OSBPL10: variants seen among roughly 807,000 people sequenced by gnomAD.
OSBPL10 encodes oxysterol-binding protein-related protein 10.
A neutral mutation model predicts 81.7 loss-of-function variants in OSBPL10; 49 were observed. The ratio of observed to expected loss-of-function variants is 0.60; its 90% CI spans 0.48 to 0.76. The LOEUF (loss-of-function observed/expected upper bound fraction) is 0.76, where lower values mean the gene tolerates loss of function less well. OSBPL10 is among the 30% of genes least tolerant of loss of function. The pLI, the probability that OSBPL10 is intolerant of heterozygous loss-of-function variation, is 0.00. For synonymous variants in OSBPL10, 419 were observed against 383.6 expected (o/e 1.09, Z -1.08); for missense variants, 923 against 987.8 (o/e 0.93, Z 0.88).
At chr3:32,057,738 G>A (rs1399726645) in intron 1 of OSBPL10, among the ~76,000 whole-genome samples, 2 of 152,172 alleles carry the variant, frequency 1.3e-5, no homozygotes, top group Non-Finnish European at 2.9e-5. Context: ...ATGAGATGTG[G>A]GTGAGGACAC....
chr3:31,753,054 T>A (rs1697768051), intron 4 of OSBPL10, among the ~76,000 whole-genome samples: 1 of 152,190 alleles, frequency 6.6e-6, no homozygotes, highest in African/African-American at 2.4e-5. Context: ...TTGGCATTTC[T>A]CTTCAGTCTG....
chr3:31,697,769 C>CT (rs550160798), intron 7 of OSBPL10, among the ~76,000 whole-genome samples: 2,948 of 146,290 alleles, frequency 0.02, 33 homozygotes, highest in East Asian at 0.037. Flanking sequence ...GCTTCCTCCT[C>CT]TTTTTTTTTT....
chr3:31,697,352 A>G (rs1323038678), intron 7 of OSBPL10, among the ~76,000 whole-genome samples: 1 of 151,110 alleles, frequency 6.6e-6, no homozygotes, highest in Non-Finnish European at 1.5e-5. Flanking sequence ...CTGCCCCGCT[A>G]AGCCCATTCC....
chr3:31,951,990 A>C (rs779535938), intron 1 of OSBPL10, among the ~76,000 whole-genome samples: 8 of 152,194 alleles, frequency 5.3e-5, no homozygotes, highest in Admixed American at 6.5e-5. Context: ...CAGAACTCCT[A>C]CTATAATCTG....
At chr3:31,841,908 G>C (rs1259708854) in intron 3 of OSBPL10, among the ~76,000 whole-genome samples, 1 of 152,138 alleles carries the variant, frequency 6.6e-6, no homozygotes, top group African/African-American at 2.4e-5. Context: ...ATCAATAAAA[G>C]TGAGCTGCTA....
At chr3:31,903,165 G>A (rs1696301626) in intron 1 of OSBPL10, among the ~76,000 whole-genome samples, 1 of 152,014 alleles carries the variant, frequency 6.6e-6, no homozygotes, top group Non-Finnish European at 1.5e-5. Context: ...CACTATTCTA[G>A]GTGCCAGGAA....
intron 1 of OSBPL10, among the ~76,000 whole-genome samples, chr3:31,949,387 G>T (rs371243765): frequency 6.6e-6 from 1 of 151,282 alleles, no homozygotes; most frequent in Non-Finnish European, 1.5e-5. Context: ...ACTGGGTTCC[G>T]GCTGGGCACG....
At chr3:32,010,715 C>T (rs970400029) in intron 2 of OSBPL10, among the ~76,000 whole-genome samples, 11 of 152,166 alleles carry the variant, frequency 7.2e-5, no homozygotes, top group Non-Finnish European at 1.3e-4. Context: ...TGACAGATGG[C>T]ACCTGGAAAA....
At chr3:31,812,755 A>AACTTCTCC (rs1699725225) in intron 4 of OSBPL10, among the ~76,000 whole-genome samples, 1 of 40,910 alleles carries the variant, frequency 2.4e-5, no homozygotes, top group African/African-American at 1.1e-4. Context: ...AGAAAGAAAG[A>AACTTCTCC]AAGAAAGAAA....
chr3:32,004,352 A>G (rs1699182469), intron 2 of OSBPL10, among the ~76,000 whole-genome samples: 1 of 152,156 alleles, frequency 6.6e-6, no homozygotes, highest in Admixed American at 6.5e-5. Context: ...ATGCTGTGAT[A>G]GGCAAGCCCC....
upstream of OSBPL10, among the ~76,000 whole-genome samples, chr3:31,985,737 A>T (rs183775957): frequency 6.6e-6 from 1 of 152,222 alleles, no homozygotes; most frequent in Admixed American, 6.5e-5. Context: ...TGTTAGAAAC[A>T]TGTGGTCTGA....
chr3:31,789,839 G>C (rs1247969043), intron 4 of OSBPL10, among the ~76,000 whole-genome samples: 1 of 152,096 alleles, frequency 6.6e-6, no homozygotes, highest in Non-Finnish European at 1.5e-5. Flanking sequence ...AAATAAAGAG[G>C]ATACTTCTTC....
At chr3:32,028,929 C>CGA (rs1342609564) in intron 2 of OSBPL10, among the ~76,000 whole-genome samples, 3 of 46,030 alleles carry the variant, frequency 6.5e-5, no homozygotes, top group Non-Finnish European at 1.3e-4. Context: ...CTAGTCAGGA[C>CGA]ACACACACAC....
chr3:31,751,277 G>A (rs1459071802), intron 4 of OSBPL10, among the ~76,000 whole-genome samples: 1 of 152,134 alleles, frequency 6.6e-6, no homozygotes, highest in African/African-American at 2.4e-5. Flanking sequence ...GAGCCCAGGG[G>A]GTGGGGCTGC....
intron 1 of OSBPL10, among the ~76,000 whole-genome samples, chr3:31,962,421 G>A (rs1698194788): frequency 6.6e-6 from 1 of 152,102 alleles, no homozygotes; most frequent in African/African-American, 2.4e-5. Context: ...CATGAAAAGT[G>A]GTATTGGTTT....
At chr3:32,039,901 T>A (rs558227469) in intron 2 of OSBPL10, among the ~76,000 whole-genome samples, 1 of 152,240 alleles carries the variant, frequency 6.6e-6, no homozygotes, top group African/African-American at 2.4e-5. Flanking sequence ...ACAGTCTCAC[T>A]CACGGATAGG....
chr3:31,670,690 C>A (rs545917592), intron 9 of OSBPL10, 107 bp downstream of exon 9: 2 of 1,281,632 alleles, frequency 1.6e-6, no homozygotes, highest in East Asian at 4.7e-5. Context: ...ACAAGTTTAT[C>A]TTGATTTTCA....
At chr3:31,830,314 C>T in intron 3 of OSBPL10, 83 bp from the exon 4 acceptor site, 1 of 1,357,342 alleles carries the variant, frequency 7.4e-7, no homozygotes, top group Non-Finnish European at 1.0e-6. Context: ...TTTTGGACCT[C>T]TTCATCTTTC....
Position 31,836,426 on chromosome 3 carries a change from A to G in OSBPL10, c.538-6195T>C, listed in dbSNP as rs144949754. Among the ~76,000 whole-genome samples the G allele has an allele frequency of 4.2e-3, 641 of 152,292 alleles. 2 individuals are homozygous for G. The highest frequency in any genetic ancestry group is 6.7e-3 in the Non-Finnish European group (454 of 68,028). ...TGCCAGATTTCTGAAAAATTGTCACAAGCAAATGCATATATTTCATTTCCT... is the reference window on the plus strand; with the variant it reads ...TGCCAGATTTCTGAAAAATTGTCACGAGCAAATGCATATATTTCATTTCCT... On this transcript the variant is annotated intron_variant, in intron 3 of 11. Transcript: ENST00000396556.
Sources: allele counts gnomAD v4.1 joint callset (sites outside exome capture counted in the v4.1 genomes callset), GRCh38; gene constraint gnomAD v4.1.1; transcripts MANE v1.5; gene names NCBI Gene and HGNC (gene_info 2026-07-23, HGNC 2026-07-21).